Variants in MIPEP observed in about 807,000 individuals in gnomAD.
The protein encoded by MIPEP is mitochondrial intermediate peptidase.
In MIPEP, 79 loss-of-function variants were observed where a neutral mutation model predicts 90.3. That is an observed-to-expected ratio of 0.87 (90% confidence interval 0.73 to 1.05). MIPEP has a LOEUF of 1.05. Ranked by LOEUF, MIPEP falls within the 50% of genes least tolerant of loss-of-function variation. The pLI is 0.00. For synonymous variants in MIPEP, 334 were observed against 315.8 expected (o/e 1.06, Z -0.61); for missense variants, 940 against 905.6 (o/e 1.04, Z -0.49).
At chr13:23,770,381 T>C (rs1321095035) in intron 16 of MIPEP, among the ~76,000 whole-genome samples, 1 of 152,124 alleles carries the variant, frequency 6.6e-6, no homozygotes, top group Non-Finnish European at 1.5e-5. Flanking sequence ...AATGTCTTTT[T>C]AAATTACGCT....
intron 18 of MIPEP, among the ~76,000 whole-genome samples, chr13:23,742,980 A>G (rs914047981): frequency 1.2e-4 from 18 of 152,188 alleles, no homozygotes; most frequent in African/African-American, 4.1e-4. Context: ...TTTTACCACA[A>G]TTTTAAAAAG....
chr13:23,779,400 G>C (rs1952752597), intron 16 of MIPEP, among the ~76,000 whole-genome samples: 1 of 152,046 alleles, frequency 6.6e-6, no homozygotes, highest in Non-Finnish European at 1.5e-5. Flanking sequence ...GCTAGAAAAA[G>C]GTGGGAGGAT....
At chr13:23,813,777 C>T (rs1436515624) in intron 14 of MIPEP, among the ~76,000 whole-genome samples, 9 of 152,154 alleles carry the variant, frequency 5.9e-5, no homozygotes, top group Non-Finnish European at 2.9e-5. Context: ...CAAATAATTT[C>T]AATCTGCTGT....
intron 14 of MIPEP, among the ~76,000 whole-genome samples, chr13:23,816,682 T>C (rs1953242256): frequency 6.6e-6 from 1 of 152,224 alleles, no homozygotes; most frequent in Admixed American, 6.5e-5. Flanking sequence ...TTGCTTTTAT[T>C]GATTAGCTTT....
intron 18 of MIPEP, among the ~76,000 whole-genome samples, chr13:23,730,966 G>A (rs879464728): frequency 1.3e-5 from 2 of 152,140 alleles, no homozygotes; most frequent in Non-Finnish European, 2.9e-5. Context: ...ACTGTGTAAC[G>A]CAGAAGTCAC....
intron 14 of MIPEP, among the ~76,000 whole-genome samples, chr13:23,821,669 C>T (rs1202174532): frequency 6.6e-6 from 1 of 152,190 alleles, no homozygotes; most frequent in Non-Finnish European, 1.5e-5. Flanking sequence ...GGGTTGGTTC[C>T]AGGACCTTCC....
intron 4 of MIPEP, among the ~76,000 whole-genome samples, chr13:23,876,989 T>C (rs1161645106): frequency 6.6e-6 from 1 of 152,232 alleles, no homozygotes; most frequent in African/African-American, 2.4e-5. Flanking sequence ...ACTGTTTATG[T>C]ATCTGTGTCT....
chr13:23,805,982 T>C lies in MIPEP; in HGVS notation c.1816A>G (p.Lys606Glu). The change falls in exon 16 of 19, where the codon AAA becomes GAA. Residue 606 changes from lysine (K) to glutamate (E), a missense_variant. By Grantham distance (56) the Lys-to-Glu change is moderately conservative. Transcript: ENST00000382172. ...TTDILKETQEKFYGLPYVPNT... is the reference protein window; with the variant it reads ...TTDILKETQEEFYGLPYVPNT... ...GGAACATATGGTAGGCCATAGAATT[T>C]CTCTTGTGTTTCCTTGAGAATGTCT... 1 of 1,614,042 alleles carries C rather than the reference T, an allele frequency of 6.2e-7. No homozygotes were observed.
intron 10 of MIPEP, among the ~76,000 whole-genome samples, chr13:23,844,405 A>G (rs1486324240): frequency 6.6e-6 from 1 of 152,206 alleles, no homozygotes; most frequent in Non-Finnish European, 1.5e-5. Context: ...CAAGCTGAAA[A>G]TCAAGAATCT....
At chr13:23,866,179 C>T (rs1442543229) in intron 7 of MIPEP, among the ~76,000 whole-genome samples, 1 of 152,184 alleles carries the variant, frequency 6.6e-6, no homozygotes, top group Non-Finnish European at 1.5e-5. Context: ...GCGCCTTCCA[C>T]AGCCACAGAT....
intron 16 of MIPEP, among the ~76,000 whole-genome samples, chr13:23,788,141 G>A (rs1172318253): frequency 2.0e-5 from 3 of 152,132 alleles, no homozygotes; most frequent in African/African-American, 7.2e-5. Flanking sequence ...CTTAATCCAC[G>A]TGTGTGATCA....
At chr13:23,865,812 A>C (rs1194388228) in intron 7 of MIPEP, among the ~76,000 whole-genome samples, 1 of 151,506 alleles carries the variant, frequency 6.6e-6, no homozygotes, top group Non-Finnish European at 1.5e-5. Flanking sequence ...CTGGGATTAC[A>C]GGCACCCGCC....
intron 16 of MIPEP, among the ~76,000 whole-genome samples, chr13:23,787,555 C>A (rs1952859674): frequency 6.6e-6 from 1 of 152,236 alleles, no homozygotes; most frequent in African/African-American, 2.4e-5. Context: ...CACCTCCTCA[C>A]ACCATCCTAT....
At chr13:23,828,683 T>G (rs978426544) in intron 14 of MIPEP, among the ~76,000 whole-genome samples, 4 of 152,212 alleles carry the variant, frequency 2.6e-5, no homozygotes, top group Non-Finnish European at 4.4e-5. Context: ...AATGGAGAGA[T>G]ATGCCATATT....
At chr13:23,889,098 G>A (rs2137550873) in intron 1 of MIPEP, 34 bp downstream of exon 1, 3 of 1,381,396 alleles carry the variant, frequency 2.2e-6, no homozygotes. Context: ...GGCTTAGCTC[G>A]GGGACTGAGG....
intron 5 of MIPEP, among the ~76,000 whole-genome samples, chr13:23,870,473 T>C (rs139289937): frequency 0.015 from 2,216 of 152,286 alleles, 39 homozygotes; most frequent in Non-Finnish European, 0.016. Flanking sequence ...TTCTATTTTA[T>C]GTCTAGGTTA....
At chr13:23,751,735 T>C (rs1258358980) in intron 18 of MIPEP, among the ~76,000 whole-genome samples, 1 of 152,154 alleles carries the variant, frequency 6.6e-6, no homozygotes, top group Non-Finnish European at 1.5e-5. Context: ...CTGGGCCATG[T>C]CCTGCTTACA....
At chr13:23,862,401 T>C in intron 8 of MIPEP, 39 bp from the exon 9 acceptor site, 1 of 1,178,580 alleles carries the variant, frequency 8.5e-7, no homozygotes, top group East Asian at 2.4e-5. Context: ...AGGACAAAAT[T>C]TTAACAATTA....
intron 14 of MIPEP, among the ~76,000 whole-genome samples, chr13:23,820,633 C>T (rs961103029): frequency 5.3e-5 from 8 of 152,212 alleles, no homozygotes; most frequent in African/African-American, 1.4e-4. Flanking sequence ...TTTACACCCA[C>T]TTTATTAGAA....
Sources: gnomAD v4.1 joint callset for allele counts (sites outside exome capture counted in the v4.1 genomes callset) on GRCh38, gnomAD v4.1.1 for gene constraint, MANE v1.5 for transcripts, NCBI Gene and HGNC (gene_info 2026-07-23, HGNC 2026-07-21) for gene names.